The following ANKFN1 variants were observed in gnomAD, a reference collection of about 807,000 sequenced individuals.
ANKFN1 encodes ankyrin repeat and fibronectin type III domain containing 1, also known as ankyrin repeat and fibronectin type-III domain-containing protein 1.
Under a neutral mutation model 108.7 loss-of-function variants are expected in ANKFN1, and 74 were observed. The ratio of observed to expected loss-of-function variants is 0.68; its 90% CI spans 0.56 to 0.83. The LOEUF (loss-of-function observed/expected upper bound fraction) is 0.83. ANKFN1 is among the 40% of genes least tolerant of loss of function. The pLI is 0.00. For missense variants in ANKFN1, 1,505 were observed against 1,382.3 expected, an observed-to-expected ratio of 1.09 and a Z score of -1.41; for synonymous variants, 547 against 516.2, an observed-to-expected ratio of 1.06 and a Z score of -0.81.
At chr17:56,366,954 T>C (rs1357769886) in intron 6 of ANKFN1, among the ~76,000 whole-genome samples, 1 of 152,138 alleles carries the variant, frequency 6.6e-6, no homozygotes, top group Non-Finnish European at 1.5e-5. Context: ...TCTCAGTGAG[T>C]TCCCCTCATG....
At chr17:56,429,174 G>GT (rs1284476493) in intron 8 of ANKFN1, among the ~76,000 whole-genome samples, 1 of 152,180 alleles carries the variant, frequency 6.6e-6, no homozygotes, top group East Asian at 1.9e-4. Flanking sequence ...ACTTCAGATA[G>GT]TGATAAGTGA....
upstream of ANKFN1, among the ~76,000 whole-genome samples, chr17:56,149,802 G>A (rs1469629932): frequency 6.6e-6 from 1 of 152,234 alleles, no homozygotes; most frequent in Non-Finnish European, 1.5e-5. Flanking sequence ...TGTTCTCCAT[G>A]ACGACATCCC....
Position 56,457,871 on chromosome 17 carries a change from T to C in ANKFN1, c.1449T>C (p.Cys483=). 6.2e-7 allele frequency: 1 copy of C among 1,612,920 alleles called. No homozygotes were observed. ...CATGCCTTCTTTTGCAGCTGTCTTG[T>C]ATGTGGGAAGATATAAGGTGGCTGA... ...QDFLWFTKLS[C]MWEDIRWLRQ... The change falls in exon 14 of 21, where the codon TGT becomes TGC. Residue 483 remains cysteine, a synonymous_variant. Coordinates refer to ENST00000682825, the MANE Select transcript of ANKFN1 (RefSeq NM_001370326.1).
chr17:56,258,664 A>T (rs1018007043), intron 3 of ANKFN1, among the ~76,000 whole-genome samples: 14 of 152,176 alleles, frequency 9.2e-5, no homozygotes, highest in Non-Finnish European at 1.8e-4. Context: ...TAATCCCAGC[A>T]CTTTGGGAGG....
chr17:56,404,706 G>A (rs977214866), intron 8 of ANKFN1, among the ~76,000 whole-genome samples: 1 of 152,110 alleles, frequency 6.6e-6, no homozygotes, highest in African/African-American at 2.4e-5. Context: ...TGGTGAACTA[G>A]TGTGATTTTG....
At chr17:56,195,816 T>C (rs1055340251) in intron 1 of ANKFN1, among the ~76,000 whole-genome samples, 2 of 151,974 alleles carry the variant, frequency 1.3e-5, no homozygotes, top group African/African-American at 4.8e-5. Flanking sequence ...TTGATGATGT[T>C]CCCATGTACT....
chr17:56,353,988 C>A lies in ANKFN1; in HGVS notation c.543C>A (p.Thr181=). The A allele has an allele frequency of 6.2e-7, 1 of 1,613,974 alleles. No homozygotes were observed. Among genetic ancestry groups the A allele is most frequent in the Admixed American group, 1.7e-5 (1 of 59,982 alleles). Residue 181 remains threonine (T), a synonymous_variant, in exon 6 of 21, where the codon ACC becomes ACA. Transcript: ENST00000682825. ...CACCCCTGGATATTGCCATCATGACCAACAATGTGCCCATTGCAAGGATTC... is the reference window on the plus strand; with the variant it reads ...CACCCCTGGATATTGCCATCATGACAAACAATGTGCCCATTGCAAGGATTC... The part of the protein sequence containing the change: ...GLTPLDIAIM[T]NNVPIARILL...
At chr17:56,090,805 C>T (rs937638388) in intron 4 of ANKFN1, among the ~76,000 whole-genome samples, 16 of 151,030 alleles carry the variant, frequency 1.1e-4, no homozygotes, top group African/African-American at 3.9e-4. Flanking sequence ...ATTGGCTCTC[C>T]CTATGTTGCC....
chr17:56,363,989 A>T (rs1483316756), intron 6 of ANKFN1, among the ~76,000 whole-genome samples: 2 of 152,130 alleles, frequency 1.3e-5, no homozygotes, highest in Non-Finnish European at 2.9e-5. Flanking sequence ...CAGGAGAAAT[A>T]ATTGGTTTTA....
intron 4 of ANKFN1, among the ~76,000 whole-genome samples, chr17:56,072,189 A>G (rs1905128270): frequency 6.6e-6 from 1 of 152,220 alleles, no homozygotes; most frequent in South Asian, 2.1e-4. Context: ...TATTCCTAAT[A>G]TTAATCACTT....
At chr17:56,454,820 C>A (rs1328894638) in intron 11 of ANKFN1, among the ~76,000 whole-genome samples, 3 of 152,174 alleles carry the variant, frequency 2.0e-5, no homozygotes, top group Non-Finnish European at 4.4e-5. Flanking sequence ...CCACCATCAT[C>A]AGCACCCCAT....
At chr17:56,290,338 T>C (rs1405527557) in intron 3 of ANKFN1, among the ~76,000 whole-genome samples, 4 of 152,174 alleles carry the variant, frequency 2.6e-5, no homozygotes. Context: ...CTCTTTGCTT[T>C]TCTGTGACTC....
chr17:56,383,737 G>T (rs2047174436), intron 8 of ANKFN1, among the ~76,000 whole-genome samples: 1 of 152,112 alleles, frequency 6.6e-6, no homozygotes, highest in Non-Finnish European at 1.5e-5. Context: ...CAGAAGAAAT[G>T]GATAAATTCC....
intron 4 of ANKFN1, among the ~76,000 whole-genome samples, chr17:56,108,896 T>G (rs1905803233): frequency 6.6e-6 from 1 of 152,048 alleles, no homozygotes; most frequent in South Asian, 2.1e-4. Flanking sequence ...TAAATAGGAG[T>G]AATTTTGTAA....
At chr17:56,236,552 CTT>C (rs1433629992) in intron 3 of ANKFN1, among the ~76,000 whole-genome samples, 1 of 152,044 alleles carries the variant, frequency 6.6e-6, no homozygotes, top group Non-Finnish European at 1.5e-5. Flanking sequence ...TATCCTGAAA[CTT>C]TGCCGAAGTT....
At chr17:56,342,838 T>A (rs1236367542) in intron 4 of ANKFN1, among the ~76,000 whole-genome samples, 3 of 152,014 alleles carry the variant, frequency 2.0e-5, no homozygotes, top group African/African-American at 7.2e-5. Context: ...GTTCAGGTCA[T>A]CTTTGTTAAT....
intron 4 of ANKFN1, among the ~76,000 whole-genome samples, chr17:56,332,979 G>GTGTGTA (rs570574404): frequency 7.4e-4 from 110 of 147,828 alleles, no homozygotes; most frequent in African/African-American, 2.0e-3. Context: ...ATATATGTGT[G>GTGTGTA]TATATATATA....
chr17:56,083,232 G>A (rs1364232006), intron 4 of ANKFN1, among the ~76,000 whole-genome samples: 1 of 151,340 alleles, frequency 6.6e-6, no homozygotes, highest in Non-Finnish European at 1.5e-5. Flanking sequence ...CATTGCAGGT[G>A]CTCAATAAAG....
intron 11 of ANKFN1, among the ~76,000 whole-genome samples, chr17:56,451,452 TTTA>T (rs761416388): frequency 1.3e-4 from 20 of 152,188 alleles, no homozygotes; most frequent in Non-Finnish European, 2.4e-4. Flanking sequence ...ACAAATTTTT[TTTA>T]TTATTATTAC....
Sources: gnomAD v4.1 joint callset for allele counts (sites outside exome capture counted in the v4.1 genomes callset) on GRCh38, gnomAD v4.1.1 for gene constraint, MANE v1.5 for transcripts, NCBI Gene and HGNC (gene_info 2026-07-23, HGNC 2026-07-21) for gene names.